The following GPR20 variants were observed in gnomAD, a reference collection of about 807,000 sequenced individuals.
GPR20 encodes the protein G protein-coupled receptor 20, also known as CTD-3064M3.3.
For synonymous variants in GPR20, 241 were observed against 241.9 expected, an observed-to-expected ratio of 1.00 and a Z score of 0.04; for missense variants, 494 against 527.4, an observed-to-expected ratio of 0.94 and a Z score of 0.62.
At chr8:141,366,499 C>A (rs1563708761) in intron 1 of GPR20, among the ~76,000 whole-genome samples, 1 of 152,254 alleles carries the variant, frequency 6.6e-6, no homozygotes, top group Non-Finnish European at 1.5e-5. Context: ...ACAGCGCAGT[C>A]CCAGTGCGAG....
intron 1 of GPR20, among the ~76,000 whole-genome samples, chr8:141,362,210 T>C (rs1319699488): frequency 6.6e-6 from 1 of 152,210 alleles, no homozygotes; most frequent in Non-Finnish European, 1.5e-5. Context: ...TTCGGCTTAT[T>C]CATGCCCATT....
At chr8:141,363,926 G>A (rs775616724) in intron 1 of GPR20, among the ~76,000 whole-genome samples, 3 of 152,248 alleles carry the variant, frequency 2.0e-5, no homozygotes, top group Non-Finnish European at 4.4e-5. Flanking sequence ...TGTGGAGGAC[G>A]GGCCCAGCCT....
chr8:141,358,833 G>T (rs1831691530), intron 1 of GPR20, among the ~76,000 whole-genome samples: 1 of 152,204 alleles, frequency 6.6e-6, no homozygotes, highest in Admixed American at 6.5e-5. Flanking sequence ...TGGGGTGGCT[G>T]GTTGGGGCTG....
intron 1 of GPR20, among the ~76,000 whole-genome samples, chr8:141,361,150 T>C (rs1831729434): frequency 1.3e-5 from 2 of 152,178 alleles, no homozygotes; most frequent in Admixed American, 6.5e-5. Flanking sequence ...GCTGACATGG[T>C]GTTGGGGCTC....
intron 1 of GPR20, 79 bp from the exon 2 acceptor site, chr8:141,358,026 C>T (rs1333371040): frequency 7.2e-6 from 5 of 696,224 alleles, no homozygotes; most frequent in Admixed American, 3.0e-5. Context: ...CTCAGCTGGC[C>T]CGTCTGCCCC....
At chr8:141,360,253 C>T (rs1025508208) in intron 1 of GPR20, among the ~76,000 whole-genome samples, 3 of 152,214 alleles carry the variant, frequency 2.0e-5, no homozygotes, top group African/African-American at 7.2e-5. Flanking sequence ...TGATCTCAAA[C>T]AAAGCTGAAC....
At chr8:141,366,480 C>T (rs1171854171) in intron 1 of GPR20, among the ~76,000 whole-genome samples, 3 of 152,240 alleles carry the variant, frequency 2.0e-5, no homozygotes, top group South Asian at 4.1e-4. Context: ...CCTGTCCTGC[C>T]GCCTTCTCAC....
chr8:141,359,743 C>T (rs1425651597), intron 1 of GPR20, among the ~76,000 whole-genome samples: 1 of 152,192 alleles, frequency 6.6e-6, no homozygotes, highest in Non-Finnish European at 1.5e-5. Flanking sequence ...GGCTGGGAAC[C>T]TGGCGTCTCA....
chr8:141,359,088 A>G (rs1459418055), intron 1 of GPR20, among the ~76,000 whole-genome samples: 1 of 141,514 alleles, frequency 7.1e-6, no homozygotes, highest in Non-Finnish European at 1.5e-5. Flanking sequence ...CTTTTTCAGG[A>G]GAAAGGAGAA....
At chr8:141,365,744 G>T (rs932431239) in intron 1 of GPR20, among the ~76,000 whole-genome samples, 21 of 152,308 alleles carry the variant, frequency 1.4e-4, no homozygotes, top group African/African-American at 5.1e-4. Context: ...AGACACCGGG[G>T]GCGTGGGGAG....
At position 141,357,182 on chromosome 8, in the gene GPR20, T is replaced by C. The variant is rs1211193270; in HGVS notation, c.742A>G (p.Ile248Val). 6.3e-7 allele frequency: 1 copy of C among 1,595,576 alleles called. No individual in the cohort carries two copies. Among genetic ancestry groups the C allele is most frequent in the Non-Finnish European group, 8.5e-7 (1 of 1,173,518 alleles). Residue 248 changes from isoleucine to valine, a missense_variant, in exon 2 of 2, where the codon ATC becomes GTC. Transcript: ENST00000377741. ...RAMQLLLTVLIIFLVCFTPFH... is the reference protein window; with the variant it reads ...RAMQLLLTVLVIFLVCFTPFH... ...GGCGTGAAGCAGACGAGAAAGATGA[T>C]GAGCACCGTGAGCAGGAGCTGCATG...
chr8:141,358,282 C>A (rs1039259164), intron 1 of GPR20, among the ~76,000 whole-genome samples: 9 of 152,332 alleles, frequency 5.9e-5, no homozygotes, highest in Admixed American at 5.9e-4. Flanking sequence ...GGGCTGTCCT[C>A]GGGATGGAGA....
In GPR20 at chr8:141,357,300, G is replaced by A. The variant is rs11167054; in HGVS notation, c.624C>T (p.Pro208=). The A allele has an allele frequency of 0.79, 1,224,902 of 1,542,420 alleles. 488,550 individuals carry two copies. The highest frequency in any genetic ancestry group is 0.85 in the African/African-American group (62,354 of 73,310). The change falls in exon 2 of 2, where the codon CCC becomes CCT. Residue 208 remains proline, a synonymous_variant. Coordinates refer to ENST00000377741, the MANE Select transcript of GPR20 (RefSeq NM_005293.3). The part of the protein sequence containing the change: ...FALTVLEFLL[P]LLVISVFTGR... ...CGGTAAACACGCTGATGACCAGCAG[G>A]GGCAGCAGGAACTCCAGGACAGTCA...
chr8:141,365,646 G>C (rs1831804121), intron 1 of GPR20, among the ~76,000 whole-genome samples: 1 of 152,274 alleles, frequency 6.6e-6, no homozygotes, highest in South Asian at 2.1e-4. Flanking sequence ...AGGACAATCA[G>C]AGGGAAGAGC....
chr8:141,363,415 G>A (rs1365961329), intron 1 of GPR20, among the ~76,000 whole-genome samples: 2 of 152,252 alleles, frequency 1.3e-5, no homozygotes, highest in Non-Finnish European at 2.9e-5. Context: ...ACGGTCCTGG[G>A]AACTTCCAAG....
chr8:141,358,050 T>G (rs7388121), intron 1 of GPR20, 103 bp from the exon 2 acceptor site: 478,142 of 618,730 alleles, frequency 0.77, 186,490 homozygotes, highest in African/African-American at 0.85. Context: ...ACGCCCAGCA[T>G]CCCCCTTCTC....
In GPR20 at chr8:141,357,890, C is replaced by T. The variant is rs768592430; in HGVS notation, c.34G>A (p.Gly12Arg). 36 of 1,589,392 alleles carry T rather than the reference C, an allele frequency of 2.3e-5. No individual in the cohort carries two copies. Among genetic ancestry groups the T allele is most frequent in the African/African-American group, 4.0e-5 (3 of 74,390 alleles). The change falls in exon 2 of 2, where the codon GGG becomes AGG. Residue 12 changes from glycine to arginine, a missense_variant. By Grantham distance (125) the Gly-to-Arg change is moderately radical. Coordinates refer to ENST00000377741, the MANE Select transcript of GPR20 (RefSeq NM_005293.3). ...PSVSPAGPSAGAVPNATAVTT... is the reference protein window; with the variant it reads ...PSVSPAGPSARAVPNATAVTT... ...ACTGCGGTGGCATTGGGGACTGCCC[C>T]GGCCGAGGGCCCCGCTGGAGACACA...
In GPR20 at chr8:141,357,676, C is replaced by G. The variant is rs370181787; in HGVS notation, c.248G>C (p.Arg83Pro). The G allele has an allele frequency of 6.2e-7, 1 of 1,613,474 alleles. No homozygotes were observed. The highest frequency in any genetic ancestry group is 1.1e-5 in the South Asian group (1 of 91,058). Residue 83 changes from arginine (R) to proline (P), a missense_variant, in exon 2 of 2, where the codon CGG becomes CCG. Arg to Pro is a moderately radical substitution (Grantham distance 103, BLOSUM62 -2). Coordinates refer to ENST00000377741, the MANE Select transcript of GPR20 (RefSeq NM_005293.3). ...GTAGATGACTGAGGGTGTCTTGGCC[C>G]GGGTGCGGCAGCAGAAGACGTACAG... ...LALYVFCCRT[R>P]AKTPSVIYTI... is the part of the protein sequence containing the mutation.
At position 141,357,142 on chromosome 8, in the gene GPR20, TGGC is replaced by T. The variant is rs1563704725; in HGVS notation, c.779_781del (p.Arg260del). On this transcript the variant is annotated inframe_deletion, in exon 2 of 2. Coordinates refer to ENST00000377741, the MANE Select transcript of GPR20 (RefSeq NM_005293.3). Reference sequence around the variant, plus strand: ...GTCGGGCCACAGCGCCACGGCCACTTGGCGGGCGTGGAAGGGCGTGAAGCAGAC... The same window carrying T: ...GTCGGGCCACAGCGCCACGGCCACTTGGGCGTGGAAGGGCGTGAAGCAGAC... The T allele has an allele frequency of 1.9e-6, 3 of 1,610,652 alleles. No homozygotes were observed. Among genetic ancestry groups the T allele is most frequent in the Non-Finnish European group, 2.5e-6 (3 of 1,179,834 alleles).
Sources: gnomAD v4.1 joint callset for allele counts (sites outside exome capture counted in the v4.1 genomes callset) on GRCh38, gnomAD v4.1.1 for gene constraint, MANE v1.5 for transcripts, NCBI Gene and HGNC (gene_info 2026-07-23, HGNC 2026-07-21) for gene names.